Variants in DLG2 observed in about 807,000 individuals in gnomAD.
DLG2 encodes disks large homolog 2.
A neutral mutation model predicts 132.5 loss-of-function variants in DLG2; 45 were observed. The ratio of observed to expected loss-of-function variants is 0.34; its 90% confidence interval spans 0.27 to 0.44. The LOEUF (loss-of-function observed/expected upper bound fraction) is 0.44. DLG2 is among the 20% of genes least tolerant of loss of function. The pLI, the probability that DLG2 is intolerant of heterozygous loss-of-function variation, is 1.00. For missense variants in DLG2, 1,045 were observed against 1,196.9 expected, an observed-to-expected ratio of 0.87 and a Z score of 1.87; for synonymous variants, 424 against 419.6, an observed-to-expected ratio of 1.01 and a Z score of -0.13.
At chr11:85,153,095 C>G (rs1308606442) in intron 5 of DLG2, among the ~76,000 whole-genome samples, 1 of 152,116 alleles carries the variant, frequency 6.6e-6, no homozygotes, top group Admixed American at 6.5e-5. Flanking sequence ...CTTTATATTA[C>G]TATAGTATAG....
chr11:83,564,034 A>T (rs1593284956), intron 19 of DLG2, among the ~76,000 whole-genome samples: 2 of 151,866 alleles, frequency 1.3e-5, no homozygotes, highest in East Asian at 3.9e-4. Context: ...AGAATTTTTC[A>T]ATTGCTCACC....
intron 6 of DLG2, chr11:84,545,090 C>A: frequency 2.2e-6 from 1 of 454,064 alleles, no homozygotes; most frequent in Non-Finnish European, 4.4e-6. Context: ...GCTTCCCTGT[C>A]ACTTCTCTCT....
At chr11:85,610,852 A>C (rs2080947563) in intron 2 of DLG2, among the ~76,000 whole-genome samples, 1 of 152,236 alleles carries the variant, frequency 6.6e-6, no homozygotes, top group Non-Finnish European at 1.5e-5. Flanking sequence ...ACATTAAAAC[A>C]GTTGCAGGGG....
intron 5 of DLG2, among the ~76,000 whole-genome samples, chr11:85,126,261 A>C (rs2075098733): frequency 6.6e-6 from 1 of 152,196 alleles, no homozygotes. Flanking sequence ...TAATGAAAGA[A>C]GATAAGACAT....
intron 11 of DLG2, among the ~76,000 whole-genome samples, chr11:84,042,487 G>A (rs184516198): frequency 2.6e-5 from 4 of 151,688 alleles, no homozygotes; most frequent in African/African-American, 9.7e-5. Flanking sequence ...TAGTATAAAA[G>A]TAAAAATTGA....
At chr11:83,879,219 T>C (rs963269210) in intron 15 of DLG2, among the ~76,000 whole-genome samples, 4 of 152,188 alleles carry the variant, frequency 2.6e-5, no homozygotes, top group Non-Finnish European at 4.4e-5. Flanking sequence ...GCAGGATAAG[T>C]GGTTTTTCCA....
chr11:84,962,226 C>T (rs543881457), intron 6 of DLG2, among the ~76,000 whole-genome samples: 9 of 152,162 alleles, frequency 5.9e-5, no homozygotes, highest in Non-Finnish European at 1.3e-4. Flanking sequence ...TGAAACTTCA[C>T]GAGGGAGAGT....
intron 6 of DLG2, among the ~76,000 whole-genome samples, chr11:84,781,888 G>A (rs2071851907): frequency 6.6e-6 from 1 of 152,120 alleles, no homozygotes; most frequent in African/African-American, 2.4e-5. Context: ...CAACAGAGAT[G>A]GCAGAGGGCA....
chr11:84,628,452 C>A (rs2099626434), intron 6 of DLG2, among the ~76,000 whole-genome samples: 1 of 152,172 alleles, frequency 6.6e-6, no homozygotes, highest in Admixed American at 6.5e-5. Context: ...AATCAAATAG[C>A]TATATTCCAA....
At chr11:85,305,805 G>A (rs897564800) in intron 3 of DLG2, among the ~76,000 whole-genome samples, 2 of 152,120 alleles carry the variant, frequency 1.3e-5, no homozygotes, top group Non-Finnish European at 2.9e-5. Context: ...GAGCCACGGC[G>A]CCTGGCTGGA....
At chr11:84,806,117 A>G (rs1660026260) in intron 6 of DLG2, among the ~76,000 whole-genome samples, 1 of 152,204 alleles carries the variant, frequency 6.6e-6, no homozygotes, top group Non-Finnish European at 1.5e-5. Flanking sequence ...GAACTGGAAG[A>G]TAAAGCAATA....
intron 6 of DLG2, among the ~76,000 whole-genome samples, chr11:84,608,604 C>G: frequency 6.6e-6 from 1 of 152,226 alleles, no homozygotes; most frequent in Non-Finnish European, 1.5e-5. Context: ...AAACAGATCT[C>G]ACAGAAATAT....
intron 19 of DLG2, among the ~76,000 whole-genome samples, chr11:83,564,964 T>A (rs1381581282): frequency 6.6e-6 from 1 of 152,196 alleles, no homozygotes; most frequent in Non-Finnish European, 1.5e-5. Flanking sequence ...ATCCAAACAG[T>A]TTACATAACT....
chr11:85,129,260 T>C lies in DLG2; in HGVS notation c.283-17525A>G, dbSNP rs116256795. On this transcript the variant is annotated intron_variant, in intron 5 of 27. Coordinates refer to ENST00000376104, the MANE Select transcript of DLG2 (RefSeq NM_001142699.3). ...GGATCCATGTGACAGAAACTCTGTA[T>C]TTATGAATACTCTGATGATTTCCTA... 1.7e-3 allele frequency among the ~76,000 whole-genome samples: 261 copies of C among 152,340 alleles called. 1 individual carries two copies. The highest frequency in any genetic ancestry group is 6.1e-3 in the African/African-American group (255 of 41,590).
At chr11:84,733,558 T>C (rs58780696) in intron 6 of DLG2, among the ~76,000 whole-genome samples, 1 of 152,214 alleles carries the variant, frequency 6.6e-6, no homozygotes, top group Non-Finnish European at 1.5e-5. Flanking sequence ...GATGAGTAGA[T>C]TGCAAAAATT....
At chr11:85,247,128 C>T (rs1444665138) in intron 4 of DLG2, among the ~76,000 whole-genome samples, 2 of 152,000 alleles carry the variant, frequency 1.3e-5, no homozygotes, top group Non-Finnish European at 2.9e-5. Context: ...ATACAATTTT[C>T]TTAAATAATT....
chr11:85,404,912 A>G (rs2088570122), intron 3 of DLG2, among the ~76,000 whole-genome samples: 1 of 151,976 alleles, frequency 6.6e-6, no homozygotes, highest in African/African-American at 2.4e-5. Flanking sequence ...TATACACTCA[A>G]ATTAACACTA....
chr11:84,826,611 G>C (rs1480923012), intron 6 of DLG2, among the ~76,000 whole-genome samples: 1 of 151,794 alleles, frequency 6.6e-6, no homozygotes, highest in Non-Finnish European at 1.5e-5. Context: ...TTATGCCCAA[G>C]CTACTTAGTC....
intron 7 of DLG2, among the ~76,000 whole-genome samples, chr11:84,394,165 C>T (rs938398195): frequency 2.6e-5 from 4 of 152,186 alleles, no homozygotes; most frequent in Non-Finnish European, 4.4e-5. Context: ...GCATGAGCCA[C>T]TGCACCTGGT....
Sources: gnomAD v4.1 joint callset for allele counts (sites outside exome capture counted in the v4.1 genomes callset) on GRCh38, gnomAD v4.1.1 for gene constraint, MANE v1.5 for transcripts, NCBI Gene and HGNC (gene_info 2026-07-23, HGNC 2026-07-21) for gene names.